Variants in RBFOX1 observed in about 807,000 individuals in gnomAD.
RBFOX1 encodes RNA binding protein fox-1 homolog 1.
Under a neutral mutation model 57.7 loss-of-function variants are expected in RBFOX1, and 8 were observed. The ratio of observed to expected loss-of-function variants is 0.14; its 90% CI spans 0.08 to 0.25. The LOEUF is 0.25. RBFOX1 is among the 10% of genes least tolerant of loss of function. The pLI is 1.00. For synonymous variants in RBFOX1, 326 were observed against 222.4 expected, an observed-to-expected ratio of 1.47 and a Z score of -4.15; for missense variants, 611 against 548.5, an observed-to-expected ratio of 1.11 and a Z score of -1.14.
At chr16:7,573,417 C>G (rs1469775161) in intron 5 of RBFOX1, among the ~76,000 whole-genome samples, 1 of 152,120 alleles carries the variant, frequency 6.6e-6, no homozygotes, top group Non-Finnish European at 1.5e-5. Flanking sequence ...CCTCTAACAT[C>G]CTTACTTTAC....
At chr16:6,918,243 T>C (rs1044948858) in intron 3 of RBFOX1, among the ~76,000 whole-genome samples, 6 of 150,598 alleles carry the variant, frequency 4.0e-5, no homozygotes, top group Non-Finnish European at 7.4e-5. Flanking sequence ...GATTGTACCA[T>C]TGCAATCCAG....
chr16:7,497,284 TTC>T (rs1444713018), intron 4 of RBFOX1, among the ~76,000 whole-genome samples: 2 of 152,172 alleles, frequency 1.3e-5, no homozygotes, highest in African/African-American at 4.8e-5. Flanking sequence ...TTATCCTGTT[TTC>T]TGTGTTCTTT....
At chr16:6,409,440 T>G (rs2093387888) in intron 2 of RBFOX1, among the ~76,000 whole-genome samples, 1 of 152,066 alleles carries the variant, frequency 6.6e-6, no homozygotes, top group Non-Finnish European at 1.5e-5. Flanking sequence ...AAATAAAACT[T>G]TACCAAACAC....
intron 1 of RBFOX1, among the ~76,000 whole-genome samples, chr16:6,063,507 C>CACACACACACACACACA (rs1555493205): frequency 1.9e-4 from 9 of 47,128 alleles, no homozygotes; most frequent in Admixed American, 3.9e-4. Flanking sequence ...ACACACACAC[C>CACACACACACACACACA]CCCTTATATT....
rs932923112 is a variant in RBFOX1, at chr16:6,720,787, T to C, written c.-16+66137T>C. Among the ~76,000 whole-genome samples the C allele has an allele frequency of 2.6e-5, 4 of 152,186 alleles. 1 individual carries two copies. Among genetic ancestry groups the C allele is most frequent in the African/African-American group, 9.7e-5 (4 of 41,434 alleles). Reference sequence around the variant, plus strand: ...CCTTTTTTATTCTTCAAATAGGTGATAAAGTAGGTACTTCTGAAGGATTAA... The same window carrying C: ...CCTTTTTTATTCTTCAAATAGGTGACAAAGTAGGTACTTCTGAAGGATTAA... On this transcript the variant is annotated intron_variant, in intron 3 of 15. Coordinates refer to ENST00000550418, the MANE Select transcript of RBFOX1 (RefSeq NM_018723.4).
At chr16:6,181,235 A>C (rs1385119127) in intron 1 of RBFOX1, among the ~76,000 whole-genome samples, 1 of 152,172 alleles carries the variant, frequency 6.6e-6, no homozygotes, top group African/African-American at 2.4e-5. Context: ...CTGAAAACAC[A>C]TGAGCTCCTT....
chr16:7,416,392 C>G (rs2098478160), intron 4 of RBFOX1, among the ~76,000 whole-genome samples: 1 of 152,186 alleles, frequency 6.6e-6, no homozygotes, highest in South Asian at 2.1e-4. Flanking sequence ...TAGTTCTTCT[C>G]TCTCATGCTT....
At chr16:6,212,478 G>A (rs2097304837) in intron 1 of RBFOX1, among the ~76,000 whole-genome samples, 1 of 152,068 alleles carries the variant, frequency 6.6e-6, no homozygotes, top group African/African-American at 2.4e-5. Context: ...GGCCGAGGTG[G>A]GCAGATCACT....
intron 1 of RBFOX1, among the ~76,000 whole-genome samples, chr16:5,456,953 C>G (rs1445158510): frequency 6.6e-6 from 1 of 152,132 alleles, no homozygotes; most frequent in Non-Finnish European, 1.5e-5. Context: ...GTTTGGGCTG[C>G]TATAACAAAT....
At chr16:7,504,464 G>C (rs1410651084) in intron 4 of RBFOX1, among the ~76,000 whole-genome samples, 1 of 151,388 alleles carries the variant, frequency 6.6e-6, no homozygotes, top group East Asian at 2.0e-4. Context: ...GACTTTGTCA[G>C]AATGTCTCAA....
intron 1 of RBFOX1, among the ~76,000 whole-genome samples, chr16:6,034,264 G>A (rs1282071287): frequency 2.1e-5 from 3 of 143,556 alleles, no homozygotes; most frequent in Admixed American, 7.2e-5. Context: ...GAATGGAGTC[G>A]GAGGTTGCAG....
In RBFOX1 at chr16:6,697,407, C is replaced by T. The variant is rs192297609; in HGVS notation, c.-16+42757C>T. Among the ~76,000 whole-genome samples the T allele has an allele frequency of 5.7e-3, 873 of 152,274 alleles. 8 individuals carry two copies. Among genetic ancestry groups the T allele is most frequent in the Non-Finnish European group, 8.5e-3 (575 of 68,022 alleles). On this transcript the variant is annotated intron_variant, in intron 3 of 15. Transcript: ENST00000550418. ...GAAACCCAATTCAAACTACCTTCAA[C>T]ATAAAAGGGAAATATACTGGCTCAT...
chr16:7,347,956 G>C (rs886540371), intron 4 of RBFOX1, among the ~76,000 whole-genome samples: 10 of 152,150 alleles, frequency 6.6e-5, no homozygotes, highest in Non-Finnish European at 1.5e-4. Flanking sequence ...CTTCCATGCA[G>C]AGCTGTCTGT....
At chr16:7,437,449 G>C (rs2098732092) in intron 4 of RBFOX1, among the ~76,000 whole-genome samples, 1 of 152,060 alleles carries the variant, frequency 6.6e-6, no homozygotes, top group Non-Finnish European at 1.5e-5. Flanking sequence ...GACACTGTTG[G>C]CGCGTTATTA....
chr16:5,547,211 A>G (rs1441333357), intron 2 of RBFOX1, among the ~76,000 whole-genome samples: 2 of 152,208 alleles, frequency 1.3e-5, no homozygotes, highest in Admixed American at 6.5e-5. Context: ...AACTGGTTCA[A>G]CATGCACCTG....
At chr16:6,772,422 G>A (rs1460658136) in intron 3 of RBFOX1, among the ~76,000 whole-genome samples, 2 of 140,762 alleles carry the variant, frequency 1.4e-5, no homozygotes, top group African/African-American at 3.0e-5. Context: ...GTGTGCGCAC[G>A]TGCGTGTGTG....
At chr16:6,829,150 G>A (rs758637501) in intron 3 of RBFOX1, among the ~76,000 whole-genome samples, 1 of 151,870 alleles carries the variant, frequency 6.6e-6, no homozygotes, top group Non-Finnish European at 1.5e-5. Context: ...ATAAGTGGAA[G>A]GTGGGTGTAG....
At chr16:5,966,696 G>A (rs1250866231) in intron 4 of RBFOX1, among the ~76,000 whole-genome samples, 3 of 152,120 alleles carry the variant, frequency 2.0e-5, no homozygotes, top group South Asian at 2.1e-4. Context: ...TCGCTGTTGT[G>A]AGAACAGTAC....
At chr16:6,285,081 T>C (rs1298730856) in intron 1 of RBFOX1, among the ~76,000 whole-genome samples, 4 of 152,104 alleles carry the variant, frequency 2.6e-5, no homozygotes, top group African/African-American at 9.7e-5. Flanking sequence ...TTCGTTGTTG[T>C]TTCTTTTCAG....
Sources: gnomAD v4.1 joint callset for allele counts (sites outside exome capture counted in the v4.1 genomes callset) on GRCh38, gnomAD v4.1.1 for gene constraint, MANE v1.5 for transcripts, NCBI Gene and HGNC (gene_info 2026-07-23, HGNC 2026-07-21) for gene names.